Variants in CAST observed in about 807,000 individuals in gnomAD.
The protein encoded by CAST is MIR583 host.
In CAST, 76 loss-of-function variants were observed where a neutral mutation model predicts 119.6. That is an observed-to-expected ratio of 0.64 (90% CI 0.53 to 0.77). CAST has a LOEUF of 0.77. Among genes scored for constraint, CAST ranks in the 30% least tolerant of loss-of-function variants. The pLI, the probability that CAST is intolerant of heterozygous loss-of-function variation, is 0.00. For missense variants in CAST, 953 were observed against 946.5 expected (o/e 1.01, Z -0.09); for synonymous variants, 319 against 331.6 (o/e 0.96, Z 0.41).
chr5:96,488,349 T>C, the CAST span, among the ~76,000 whole-genome samples: 1 of 152,158 alleles, frequency 6.6e-6, no homozygotes, highest in African/African-American at 2.4e-5. Context: ...ATATCCAGAA[T>C]TTTTAAAAAG....
the CAST span, among the ~76,000 whole-genome samples, chr5:96,103,540 T>G: frequency 6.6e-6 from 1 of 150,710 alleles, no homozygotes; most frequent in Non-Finnish European, 1.5e-5. Context: ...TCATCATTTT[T>G]TATGGCTGCA....
chr5:95,998,273 T>A, the CAST span, among the ~76,000 whole-genome samples: 1 of 152,110 alleles, frequency 6.6e-6, no homozygotes, highest in Non-Finnish European at 1.5e-5. Context: ...TAAATTTTTT[T>A]ATATATTTAG....
At chr5:95,985,019 A>C in the CAST span, among the ~76,000 whole-genome samples, 1 of 141,512 alleles carries the variant, frequency 7.1e-6, no homozygotes, top group Admixed American at 7.2e-5. Flanking sequence ...ATAGTTACCT[A>C]TATGGCTGAA....
At chr5:96,388,641 G>A in the CAST span, among the ~76,000 whole-genome samples, 1 of 152,174 alleles carries the variant, frequency 6.6e-6, no homozygotes, top group African/African-American at 2.4e-5. Context: ...TTATATGAAT[G>A]TTATAGCTTT....
the CAST span, among the ~76,000 whole-genome samples, chr5:96,377,233 T>C: frequency 6.6e-6 from 1 of 152,000 alleles, no homozygotes; most frequent in Admixed American, 6.5e-5. Context: ...AAGCTAAGTT[T>C]AATTTATTAT....
Position 96,663,064 on chromosome 5 carries a change from G to A in CAST, c.75+567G>A. The A allele has an allele frequency of 1.3e-5, 9 of 701,092 alleles. 1 individual carries two copies. In the South Asian group the frequency reaches 1.3e-4, roughly 10 times the overall value. The allele number at this position is 701,092 out of a possible 1,614,324, so 43.4% of individuals were successfully genotyped here. A position where few individuals can be genotyped will look rare whatever the true frequency, so the allele number is the denominator to read the frequency against. The stretch of plus-strand genomic sequence containing the variant: ...CCCGGCCAAGCGGAGTGTGAGCCCG[G>A]CGCCTCCAACGCAACACCCCGCGCC... On this transcript the variant is annotated intron_variant, in intron 1 of 31. Transcript: ENST00000675179.
At chr5:96,286,234 A>G in the CAST span, among the ~76,000 whole-genome samples, 2 of 152,232 alleles carry the variant, frequency 1.3e-5, no homozygotes, top group East Asian at 3.8e-4. Context: ...CTATGTTAAC[A>G]GTAGTAACAG....
rs565597483 is a variant in CAST at position 96,730,826 on chromosome 5, G to A, written c.596G>A (p.Gly199Asp). Residue 199 changes from glycine (G) to aspartate (D), a missense_variant, in exon 9 of 32, where the codon GGT (glycine) becomes GAT (aspartate). By Grantham distance (94) the Gly-to-Asp change is moderately conservative. Coordinates refer to ENST00000675179, the MANE Select transcript of CAST (RefSeq NM_001750.7). ...TCTGCTGGTGGAGAGAGTGTTGCTG[G>A]TATCACTGCAATATCTGGCAAGCCG... ...MISAGGESVA[G>D]ITAISGKPGD... 4.3e-6 allele frequency: 7 copies of A among 1,613,882 alleles called. No homozygotes were observed. The highest frequency in any genetic ancestry group is 5.9e-6 in the Non-Finnish European group (7 of 1,179,814).
chr5:96,004,757 A>G, the CAST span, among the ~76,000 whole-genome samples: 1 of 152,232 alleles, frequency 6.6e-6, no homozygotes, highest in Non-Finnish European at 1.5e-5. Context: ...AAGAGATAAG[A>G]GATATCAACA....
At chr5:96,690,490 A>G (rs1428189939) in intron 2 of CAST, among the ~76,000 whole-genome samples, 1 of 152,198 alleles carries the variant, frequency 6.6e-6, no homozygotes, top group African/African-American at 2.4e-5. Flanking sequence ...TCTGCCTGCC[A>G]AAGTGCTAGG....
intron 1 of CAST, among the ~76,000 whole-genome samples, chr5:96,640,678 G>A (rs773586389): frequency 3.3e-5 from 5 of 152,288 alleles, no homozygotes; most frequent in East Asian, 1.9e-4. Context: ...ACAACCCTGC[G>A]GGGAGTTATG....
At chr5:96,009,508 G>A in the CAST span, among the ~76,000 whole-genome samples, 6 of 152,232 alleles carry the variant, frequency 3.9e-5, no homozygotes, top group South Asian at 1.2e-3. Flanking sequence ...GTATGAGATG[G>A]TATCTCAGTG....
the CAST span, among the ~76,000 whole-genome samples, chr5:95,989,154 T>C: frequency 1.3e-5 from 2 of 152,204 alleles, no homozygotes; most frequent in East Asian, 3.8e-4. Context: ...AAATTGCTAA[T>C]ATAACTAAGC....
At chr5:96,164,955 G>T in the CAST span, among the ~76,000 whole-genome samples, 1 of 152,136 alleles carries the variant, frequency 6.6e-6, no homozygotes, top group Non-Finnish European at 1.5e-5. Context: ...TGGTAGTGGG[G>T]TGGAACGTGA....
the CAST span, among the ~76,000 whole-genome samples, chr5:96,264,388 G>C: frequency 6.6e-6 from 1 of 152,186 alleles, no homozygotes; most frequent in Admixed American, 6.5e-5. Flanking sequence ...CACCTAACTA[G>C]TTTTCATTTA....
the CAST span, among the ~76,000 whole-genome samples, chr5:96,044,209 C>T: frequency 4.3e-4 from 65 of 152,304 alleles, no homozygotes; most frequent in Non-Finnish European, 8.2e-4. Context: ...GTTTGTGTCC[C>T]ATTCTCTTCC....
chr5:96,581,893 A>AAAATAAATAAATAAATAAAT (rs10631862), intron 1 of CAST, among the ~76,000 whole-genome samples: 39 of 149,326 alleles, frequency 2.6e-4, no homozygotes, highest in African/African-American at 8.9e-4. Context: ...TCTGTCTCAA[A>AAAATAAATAAATAAATAAAT]AAATAAATAA....
the CAST span, among the ~76,000 whole-genome samples, chr5:95,974,011 A>G: frequency 6.6e-6 from 1 of 151,828 alleles, no homozygotes; most frequent in South Asian, 2.1e-4. Flanking sequence ...ACGCACACAC[A>G]CACACACACA....
chr5:96,121,343 TTG>T, the CAST span, among the ~76,000 whole-genome samples: 1 of 152,166 alleles, frequency 6.6e-6, no homozygotes, highest in Non-Finnish European at 1.5e-5. Flanking sequence ...GTTTTTGTTG[TTG>T]TCCCTGGCTG....
Sources: allele counts gnomAD v4.1 joint callset (sites outside exome capture counted in the v4.1 genomes callset), GRCh38; gene constraint gnomAD v4.1.1; transcripts MANE v1.5; gene names NCBI Gene and HGNC (gene_info 2026-07-23, HGNC 2026-07-21).